ZNF324: variants seen among roughly 807,000 people sequenced by gnomAD.
ZNF324 encodes zinc finger protein 324.
ZNF324 carries 3 observed loss-of-function variants against 10.3 expected under a neutral mutation model. The ratio of observed to expected loss-of-function variants is 0.29; its 90% CI spans 0.13 to 0.75. The LOEUF (loss-of-function observed/expected upper bound fraction) is 0.75. Ranked by LOEUF, ZNF324 falls within the 30% of genes least tolerant of loss-of-function variation. ZNF324 has a pLI of 0.69. For synonymous variants in ZNF324, 430 were observed against 339.5 expected (o/e 1.27, Z -2.93); for missense variants, 763 against 784.4 (o/e 0.97, Z 0.33).
Position 58,473,868 on chromosome 19 carries a change from G to A in ZNF324, c.*1714G>A, listed in dbSNP as rs1463456522. On this transcript the variant is annotated 3_prime_UTR_variant, in exon 4 of 4. Transcript: ENST00000196482. ...GTCTGGAGCAGCAGCCCTGCTAGAT[G>A]AGTCCTGGTGGATCCTGGCAATGGG... 6.6e-6 allele frequency: 1 copy of A among 152,306 alleles called. No individual in the cohort carries two copies. The highest frequency in any genetic ancestry group is 1.5e-5 in the Non-Finnish European group (1 of 68,100). 9.4% of individuals were successfully genotyped at this position (152,306 alleles called of 1,614,324 possible). A position where few individuals can be genotyped will look rare whatever the true frequency, so the allele number is the denominator to read the frequency against.
rs765009639 is a variant in ZNF324 at position 58,471,119 on chromosome 19, C to A, written c.627C>A (p.Ser209Arg). ...AQEVPGRTFG[S>R]AQDLEAAGGR... ...AGGTCCCTGGGAGAACCTTTGGGAG[C>A]GCCCAGGACCTGGAGGCTGCCGGCG... The change falls in exon 4 of 4, where the codon AGC becomes AGA. Residue 209 changes from serine to arginine, a missense_variant. Coordinates refer to ENST00000196482, the MANE Select transcript of ZNF324 (RefSeq NM_014347.3). 39 of 1,613,736 alleles carry A rather than the reference C, an allele frequency of 2.4e-5. No individual in the cohort carries two copies. The highest frequency in any genetic ancestry group is 1.6e-4 in the Middle Eastern group (1 of 6,084).
chr19:58,470,594 G>C (rs755487804), intron 3 of ZNF324, 137 bp from the exon 4 acceptor site: 2 of 1,081,574 alleles, frequency 1.8e-6, no homozygotes, highest in Non-Finnish European at 2.8e-6. Flanking sequence ...AGCCCCTCCT[G>C]CAGGGCCAGC....
At chr19:58,468,980 C>A (rs1306483028) in intron 1 of ZNF324, among the ~76,000 whole-genome samples, 200 bp from the exon 2 acceptor site, 1 of 152,138 alleles carries the variant, frequency 6.6e-6, no homozygotes, top group Non-Finnish European at 1.5e-5. Flanking sequence ...TGAATGCAGC[C>A]CAAAACAAGT....
Position 58,472,338 on chromosome 19 carries a change from T to A in ZNF324, c.*184T>A, listed in dbSNP as rs575660247. ...TGCCAGTTCACCCACAGATCACACC[T>A]CCATCCCCAAAGAGGTAGCACTGCA... On this transcript the variant is annotated 3_prime_UTR_variant, in exon 4 of 4. Coordinates refer to ENST00000196482, the MANE Select transcript of ZNF324 (RefSeq NM_014347.3). 2 of 630,932 alleles carry A rather than the reference T, an allele frequency of 3.2e-6. No homozygotes were observed. Among genetic ancestry groups the A allele is most frequent in the East Asian group, 2.8e-5 (1 of 35,940 alleles). 39.1% of individuals were successfully genotyped at this position (630,932 alleles called of 1,614,324 possible).
rs1369721691 is a variant in ZNF324, at chr19:58,472,445, G to A, written c.*291G>A. On this transcript the variant is annotated 3_prime_UTR_variant, in exon 4 of 4. Coordinates refer to ENST00000196482, the MANE Select transcript of ZNF324 (RefSeq NM_014347.3). ...AGCCAGTAGGAGGCCGACAGTCACA[G>A]CACTGCACTGTGGTGCGGCTTCATG... 2 of 458,402 alleles carry A rather than the reference G, an allele frequency of 4.4e-6. No homozygotes were observed. Among genetic ancestry groups the A allele is most frequent in the African/African-American group, 1.9e-5 (1 of 51,610 alleles). 28.4% of individuals were successfully genotyped at this position (458,402 alleles called of 1,614,324 possible).
At position 58,472,311 on chromosome 19, in the gene ZNF324, T is replaced by C; in HGVS notation, c.*157T>C. 1 of 786,148 alleles carries C rather than the reference T, an allele frequency of 1.3e-6. No individual in the cohort carries two copies. The highest frequency in any genetic ancestry group is 2.0e-6 in the Non-Finnish European group (1 of 511,456). The allele number at this position is 786,148 out of a possible 1,614,324, so 48.7% of individuals were successfully genotyped here. On this transcript the variant is annotated 3_prime_UTR_variant, in exon 4 of 4. Coordinates refer to ENST00000196482, the MANE Select transcript of ZNF324 (RefSeq NM_014347.3). ...ATTTCATTTGCACGTGGGGACAGGA[T>C]TTGCCAGTTCACCCACAGATCACAC...
intron 3 of ZNF324, chr19:58,470,417 A>C: frequency 2.1e-6 from 1 of 482,412 alleles, no homozygotes; most frequent in Non-Finnish European, 3.8e-6. Flanking sequence ...TAAGCAATGG[A>C]AAGAGTGTGG....
Position 58,474,345 on chromosome 19 carries a change from C to T in ZNF324, c.*2191C>T, listed in dbSNP as rs991483267. On this transcript the variant is annotated 3_prime_UTR_variant, in exon 4 of 4. Coordinates refer to ENST00000196482, the MANE Select transcript of ZNF324 (RefSeq NM_014347.3). The stretch of plus-strand genomic sequence containing the variant: ...AAACAAGTAGATACCCAGAGAGTCA[C>T]GTGAAATCATTTCTATGCCTCTGAC... The T allele has an allele frequency of 7.9e-5, 12 of 152,194 alleles. No homozygotes were observed. Among genetic ancestry groups the T allele is most frequent in the African/African-American group, 2.4e-4 (10 of 41,432 alleles). 9.4% of individuals were successfully genotyped at this position (152,194 alleles called of 1,614,324 possible). A position where few individuals can be genotyped will look rare whatever the true frequency, so the allele number is the denominator to read the frequency against.
intron 2 of ZNF324, 29 bp downstream of exon 2, chr19:58,469,335 G>T: frequency 3.1e-6 from 5 of 1,609,666 alleles, no homozygotes; most frequent in Non-Finnish European, 4.2e-6. Context: ...CATGAAATGG[G>T]CAACTGATAA....
rs560093556 is a variant in ZNF324 at position 58,471,524 on chromosome 19, C to T, written c.1032C>T (p.Ser344=). Residue 344 remains serine (S), a synonymous_variant, in exon 4 of 4, where the codon TCC becomes TCT. Coordinates refer to ENST00000196482, the MANE Select transcript of ZNF324 (RefSeq NM_014347.3). ...CGGCCGAGAAGTCCTTCCGCTGCTC[C>T]GAGTGCGGCAAGGCCTTCAGCCACG... is the stretch of plus-strand genomic sequence containing the variant. ...IHTAEKSFRC[S]ECGKAFSHGS... is the part of the protein sequence containing the mutation. 2.5e-6 allele frequency: 4 copies of T among 1,573,314 alleles called. No homozygotes were observed. Among genetic ancestry groups the T allele is most frequent in the Non-Finnish European group, 2.6e-6 (3 of 1,157,482 alleles).
Position 58,469,291 on chromosome 19 carries a change from C to G in ZNF324, c.106C>G (p.Leu36Val). 6.2e-7 allele frequency: 1 copy of G among 1,614,120 alleles called. No individual in the cohort carries two copies. Among genetic ancestry groups the G allele is most frequent in the Non-Finnish European group, 8.5e-7 (1 of 1,179,996 alleles). The change falls in exon 2 of 4, where the codon CTT becomes GTT. Residue 36 changes from leucine to valine, a missense_variant. Physicochemically the swap from Leu to Val is conservative, Grantham distance 32 (BLOSUM62 1). Coordinates refer to ENST00000196482, the MANE Select transcript of ZNF324 (RefSeq NM_014347.3). ...CCGCGTGATGCTAGACAACTTCGCA[C>G]TTGTGGCCTCGCTGGGTAAGGTCCT... ...YRRVMLDNFA[L>V]VASLGLSTSR...
rs1286401368 is a variant in ZNF324, at chr19:58,471,026, A to C, written c.534A>C (p.Thr178=). 3.1e-6 allele frequency: 5 copies of C among 1,614,050 alleles called. No individual in the cohort carries two copies. In the South Asian group the frequency reaches 3.3e-5, roughly 11 times the overall value. The change falls in exon 4 of 4, where the codon ACA becomes ACC. Residue 178 remains threonine, a synonymous_variant. Transcript: ENST00000196482. ...PPEGVRLREK[T]LTEHALLGRQ... ...AGGGCGTCCGGCTTAGAGAAAAGAC[A>C]CTCACAGAGCATGCGTTGCTGGGGA...
rs1199112852 is a variant in ZNF324 at position 58,467,170 on chromosome 19, T to A, written c.-20T>A. ...CCAGGGGGTTCCTGGTGCTCGAGGC[T>A]GGCGGCGAGGAAGGTACTGGCTGAG... On this transcript the variant is annotated 5_prime_UTR_variant, in exon 1 of 4. Transcript: ENST00000196482. 1 of 155,870 alleles carries A rather than the reference T, an allele frequency of 6.4e-6. No individual in the cohort carries two copies. The highest frequency in any genetic ancestry group is 2.4e-5 in the African/African-American group (1 of 41,464). 9.7% of individuals were successfully genotyped at this position (155,870 alleles called of 1,614,324 possible). A position where few individuals can be genotyped will look rare whatever the true frequency, so the allele number is the denominator to read the frequency against.
chr19:58,467,810 G>A (rs2052995444), intron 1 of ZNF324: 1 of 152,176 alleles, frequency 6.6e-6, no homozygotes, highest in African/African-American at 2.4e-5. Flanking sequence ...GAGGGGATGT[G>A]TGCGGCTGCA....
At position 58,472,139 on chromosome 19, in the gene ZNF324, G is replaced by T; in HGVS notation, c.1647G>T (p.Gln549His). 6.3e-7 allele frequency: 1 copy of T among 1,581,754 alleles called. No homozygotes were observed. Among genetic ancestry groups the T allele is most frequent in the Non-Finnish European group, 8.6e-7 (1 of 1,165,286 alleles). ...TPASGPAAVS[Q>H]PAEV ...CCTCGGGCCCAGCCGCCGTCTCGCA[G>T]CCAGCGGAGGTCTGAGGTCACAGGT... The change falls in exon 4 of 4, where the codon CAG (glutamine) becomes CAT (histidine). Residue 549 changes from glutamine to histidine, a missense_variant. Gln to His is a conservative substitution (Grantham distance 24). Transcript: ENST00000196482.
In ZNF324 at chr19:58,474,639, C is replaced by T. The variant is rs1387263492; in HGVS notation, c.*2485C>T. ...CCTCCCTCCAACCTCCCCCTCTGCT[C>T]TTAATTTTGAATAGGTAGTGACTGT... On this transcript the variant is annotated 3_prime_UTR_variant, in exon 4 of 4. Coordinates refer to ENST00000196482, the MANE Select transcript of ZNF324 (RefSeq NM_014347.3). 6.6e-6 allele frequency: 1 copy of T among 152,172 alleles called. No homozygotes were observed. Among genetic ancestry groups the T allele is most frequent in the Non-Finnish European group, 1.5e-5 (1 of 68,068 alleles). The allele number at this position is 152,172 out of a possible 1,614,324, so 9.4% of individuals were successfully genotyped here. A position where few individuals can be genotyped will look rare whatever the true frequency, so the allele number is the denominator to read the frequency against.
At chr19:58,470,704 A>G (rs770676507) in intron 3 of ZNF324, 27 bp from the exon 4 acceptor site, 9 of 1,613,818 alleles carry the variant, frequency 5.6e-6, no homozygotes, top group South Asian at 1.1e-5. Flanking sequence ...AGGATGCCCC[A>G]GGCAACCACT....
chr19:58,467,556 A>C (rs2052992844), intron 1 of ZNF324: 1 of 152,524 alleles, frequency 6.6e-6, no homozygotes, highest in African/African-American at 2.4e-5. Flanking sequence ...CCGCGCCCTC[A>C]CGGAGGGAGG....
rs1369937009 is a variant in ZNF324 at position 58,475,358 on chromosome 19, T to C, written c.*3204T>C. The C allele has an allele frequency of 1.3e-5, 2 of 152,236 alleles. No individual in the cohort carries two copies. The highest frequency in any genetic ancestry group is 1.9e-4 in the East Asian group (1 of 5,198). 9.4% of individuals were successfully genotyped at this position (152,236 alleles called of 1,614,324 possible). On this transcript the variant is annotated 3_prime_UTR_variant, in exon 4 of 4. Coordinates refer to ENST00000196482, the MANE Select transcript of ZNF324 (RefSeq NM_014347.3). ...ATTTAGAAAACTGTAACACTGCTTA[T>C]TGGGAGAAACTAGTGTCACCCTGGC... is the stretch of plus-strand genomic sequence containing the variant.
Sources: gnomAD v4.1 joint callset for allele counts (sites outside exome capture counted in the v4.1 genomes callset) on GRCh38, gnomAD v4.1.1 for gene constraint, MANE v1.5 for transcripts, NCBI Gene and HGNC (gene_info 2026-07-23, HGNC 2026-07-21) for gene names.